CNBD1: variants seen among roughly 807,000 people sequenced by gnomAD.
CNBD1 encodes the protein cyclic nucleotide-binding domain-containing protein 1.
CNBD1 carries 71 observed loss-of-function variants against 54.4 expected under a neutral mutation model. That is an observed-to-expected ratio of 1.30 (90% CI 1.08 to 1.59). CNBD1 has a LOEUF of 1.59. CNBD1 is among the 40% of genes most tolerant of loss of function. The probability of loss-of-function intolerance (pLI) is 0.00; values close to 1 mark genes in which losing one functional copy is unlikely to be tolerated. For missense variants in CNBD1, 659 were observed against 518.0 expected (o/e 1.27, Z -2.64); for synonymous variants, 182 against 170.7 (o/e 1.07, Z -0.51).
intron 4 of CNBD1, among the ~76,000 whole-genome samples, chr8:87,090,035 T>C (rs2130677858): frequency 6.6e-6 from 1 of 152,230 alleles, no homozygotes; most frequent in African/African-American, 2.4e-5. Flanking sequence ...CATTTCTATT[T>C]TTAATTACTT....
chr8:87,391,766 T>C (rs945217331), intron 2 of CNBD1, among the ~76,000 whole-genome samples: 2 of 151,990 alleles, frequency 1.3e-5, no homozygotes, highest in African/African-American at 2.4e-5. Flanking sequence ...AGTAAATCTT[T>C]GTGACCTTGG....
chr8:87,127,099 C>T (rs1433120611), intron 4 of CNBD1, among the ~76,000 whole-genome samples: 1 of 151,854 alleles, frequency 6.6e-6, no homozygotes, highest in Non-Finnish European at 1.5e-5. Flanking sequence ...AATGTTTGTC[C>T]TCCAAAATTG....
intron 4 of CNBD1, among the ~76,000 whole-genome samples, chr8:86,999,658 G>T (rs1808952759): frequency 6.6e-6 from 1 of 152,064 alleles, no homozygotes; most frequent in Non-Finnish European, 1.5e-5. Context: ...GATTTCTTAA[G>T]CACATAGCAG....
At chr8:87,239,514 A>G (rs1157357530) in intron 6 of CNBD1, among the ~76,000 whole-genome samples, 1 of 152,194 alleles carries the variant, frequency 6.6e-6, no homozygotes, top group Non-Finnish European at 1.5e-5. Context: ...TTTATAAAAA[A>G]ACATTATTTG....
chr8:86,960,575 A>G (rs1380637729), intron 4 of CNBD1, among the ~76,000 whole-genome samples: 1 of 152,208 alleles, frequency 6.6e-6, no homozygotes, highest in Non-Finnish European at 1.5e-5. Context: ...TAGCTGAACA[A>G]AAGACAGCAG....
chr8:87,346,112 G>A (rs1810171004), intron 8 of CNBD1, among the ~76,000 whole-genome samples: 1 of 151,946 alleles, frequency 6.6e-6, no homozygotes, highest in Non-Finnish European at 1.5e-5. Context: ...CGAGATCTTG[G>A]CTTACCACAG....
chr8:87,297,256 A>G (rs1045403140), intron 8 of CNBD1, among the ~76,000 whole-genome samples: 56 of 152,170 alleles, frequency 3.7e-4, no homozygotes, highest in African/African-American at 1.1e-3. Flanking sequence ...CAACATAAAA[A>G]TTACTAATTA....
intron 8 of CNBD1, among the ~76,000 whole-genome samples, chr8:87,335,815 T>G (rs1223450666): frequency 7.2e-5 from 11 of 152,186 alleles, no homozygotes; most frequent in African/African-American, 2.7e-4. Context: ...GTCTTTATAT[T>G]TTTTGTGTGT....
At chr8:87,280,411 A>G (rs748688521) in intron 6 of CNBD1, among the ~76,000 whole-genome samples, 9 of 151,602 alleles carry the variant, frequency 5.9e-5, no homozygotes, top group South Asian at 2.1e-4. Context: ...ATCACAAACT[A>G]TGGAATAATA....
chr8:87,210,042 CA>C (rs1295660054), intron 5 of CNBD1, among the ~76,000 whole-genome samples: 1 of 152,064 alleles, frequency 6.6e-6, no homozygotes, highest in African/African-American at 2.4e-5. Flanking sequence ...TGAGTTTTGA[CA>C]AAGGTGCTAA....
chr8:87,410,034 G>T (rs953508925), intron 2 of CNBD1, among the ~76,000 whole-genome samples: 4 of 151,388 alleles, frequency 2.6e-5, no homozygotes, highest in African/African-American at 9.7e-5. Flanking sequence ...AAAAAAAAAA[G>T]AATTAAGTTA....
At chr8:86,992,694 T>C (rs911867776) in intron 4 of CNBD1, among the ~76,000 whole-genome samples, 5 of 152,154 alleles carry the variant, frequency 3.3e-5, no homozygotes, top group South Asian at 4.1e-4. Flanking sequence ...TCTACTTGTC[T>C]GAGAAGGATT....
chr8:87,314,843 A>T (rs1809348050), intron 8 of CNBD1, among the ~76,000 whole-genome samples: 2 of 152,042 alleles, frequency 1.3e-5, no homozygotes, highest in Non-Finnish European at 2.9e-5. Context: ...GCTGTATGAA[A>T]CAAACAAGCA....
intron 4 of CNBD1, among the ~76,000 whole-genome samples, chr8:87,172,977 A>T (rs1436155236): frequency 6.6e-6 from 1 of 151,526 alleles, no homozygotes; most frequent in African/African-American, 2.4e-5. Flanking sequence ...CCTTTTAGTG[A>T]AGGGGATTTT....
chr8:87,335,654 A>C (rs1809930068), intron 8 of CNBD1, among the ~76,000 whole-genome samples: 1 of 152,116 alleles, frequency 6.6e-6, no homozygotes, highest in Middle Eastern at 3.2e-3. Context: ...TTGACTCTTT[A>C]TCCAATTTGT....
intron 2 of CNBD1, among the ~76,000 whole-genome samples, chr8:87,406,371 G>A (rs1053053446): frequency 4.0e-5 from 6 of 150,452 alleles, no homozygotes; most frequent in Admixed American, 6.6e-5. Context: ...AATTCTCAAT[G>A]CATTAAAAAG....
intron 10 of CNBD1, among the ~76,000 whole-genome samples, chr8:87,354,522 C>T (rs1043563344): frequency 6.6e-6 from 1 of 151,942 alleles, no homozygotes; most frequent in Non-Finnish European, 1.5e-5. Flanking sequence ...CGTCATTTAG[C>T]ATTAGGTATA....
At chr8:86,967,333 GT>G (rs1808105405) in intron 4 of CNBD1, among the ~76,000 whole-genome samples, 1 of 152,260 alleles carries the variant, frequency 6.6e-6, no homozygotes, top group Middle Eastern at 3.2e-3. Flanking sequence ...CACAGCTGCA[GT>G]TTGGATGGCT....
chr8:87,017,014 C>G (rs914114982), intron 4 of CNBD1, among the ~76,000 whole-genome samples: 1 of 152,090 alleles, frequency 6.6e-6, no homozygotes, highest in African/African-American at 2.4e-5. Context: ...TACATGGGTA[C>G]CCCTCCCACA....
Sources: allele counts gnomAD v4.1 joint callset (sites outside exome capture counted in the v4.1 genomes callset), GRCh38; gene constraint gnomAD v4.1.1; transcripts MANE v1.5; gene names NCBI Gene and HGNC (gene_info 2026-07-23, HGNC 2026-07-21).